The following CACNA1C variants were observed in gnomAD, a reference collection of about 807,000 sequenced individuals.
CACNA1C encodes the protein voltage-dependent L-type calcium channel subunit alpha-1C.
Under a neutral mutation model 229.0 loss-of-function variants are expected in CACNA1C, and 30 were observed. The observed-to-expected ratio is 0.13, with a 90% CI of 0.10 to 0.18. The LOEUF is 0.18. CACNA1C is among the 10% of genes least tolerant of loss of function. CACNA1C has a pLI of 1.00. For missense variants in CACNA1C, 1,658 were observed against 2,845.0 expected (o/e 0.58, Z 9.49); for synonymous variants, 1,114 against 1,132.5 (o/e 0.98, Z 0.33).
intron 1 of CACNA1C, among the ~76,000 whole-genome samples, chr12:2,016,554 C>T (rs572937307): frequency 4.2e-4 from 64 of 152,180 alleles, no homozygotes; most frequent in Middle Eastern, 3.4e-3. Flanking sequence ...CTCAGCCTCT[C>T]GAGTAGTTGG....
In CACNA1C at chr12:2,512,748, C is replaced by A; in HGVS notation, c.1218-64C>A. ...TCTCCATCTCTCCTTCCATCCTCGACCCTTCTCGGTGCTCCCTCCTTCTCT... is the reference window on the plus strand; with the variant it reads ...TCTCCATCTCTCCTTCCATCCTCGAACCTTCTCGGTGCTCCCTCCTTCTCT... On this transcript the variant is annotated intron_variant, in intron 8 of 46. Transcript: ENST00000399655. The surrounding 1 kb of genome is among the most constrained non-coding windows in gnomAD (Gnocchi z 4.3). 1 of 1,267,854 alleles carries A rather than the reference C, an allele frequency of 7.9e-7. No individual in the cohort carries two copies. The highest frequency in any genetic ancestry group is 1.6e-5 in the South Asian group (1 of 64,028). The allele number at this position is 1,267,854 out of a possible 1,614,324, so 78.5% of individuals were successfully genotyped here. A position where few individuals can be genotyped will look rare whatever the true frequency, so the allele number is the denominator to read the frequency against.
chr12:2,422,001 T>C (rs1290199235), intron 3 of CACNA1C, among the ~76,000 whole-genome samples: 1 of 152,188 alleles, frequency 6.6e-6, no homozygotes, highest in Non-Finnish European at 1.5e-5. Flanking sequence ...TACCTTTCTC[T>C]GTTCCTCCAC....
rs142596950 is a variant in CACNA1C, at chr12:2,066,328, A to G, written c.49+12717A>G. 4.6e-5 allele frequency among the ~76,000 whole-genome samples: 7 copies of G among 152,234 alleles called. No individual in the cohort carries two copies. The East Asian group carries it at 1.4e-3, about 29-fold the overall frequency. On this transcript the variant is annotated intron_variant, in intron 1 of 46. Transcript: ENST00000399655. ...ATTGGGGAGAGAGAGAGCAGAGGGA[A>G]GGAACGATGGAGAGCTGAAGACAGA...
intron 3 of CACNA1C, among the ~76,000 whole-genome samples, chr12:2,173,068 G>A (rs1211685986): frequency 1.3e-5 from 2 of 152,214 alleles, no homozygotes; most frequent in South Asian, 4.1e-4. Context: ...GAGTGTGTCC[G>A]GCGGTGTCTC....
intron 1 of CACNA1C, among the ~76,000 whole-genome samples, chr12:2,070,583 C>A (rs2060813536): frequency 6.6e-6 from 1 of 152,170 alleles, no homozygotes; most frequent in Non-Finnish European, 1.5e-5. Flanking sequence ...CTTTCTTCAG[C>A]AGTTTAAAGA....
At chr12:1,993,169 T>C in intron 1 of CACNA1C, 1 of 1,550,734 alleles carries the variant, frequency 6.4e-7, no homozygotes, top group Non-Finnish European at 8.9e-7. Flanking sequence ...TAGCCACTGA[T>C]ACCAAATGCA....
intron 3 of CACNA1C, among the ~76,000 whole-genome samples, chr12:2,180,631 C>T (rs551048353): frequency 7.9e-5 from 12 of 152,168 alleles, no homozygotes; most frequent in Non-Finnish European, 1.5e-4. Context: ...CAGTGCGCTG[C>T]GTTCTAGAAC....
chr12:2,166,947 A>G (rs1039247714), intron 3 of CACNA1C, among the ~76,000 whole-genome samples: 1 of 152,220 alleles, frequency 6.6e-6, no homozygotes, highest in Non-Finnish European at 1.5e-5. Flanking sequence ...CAGACGTAGT[A>G]ACAGAAAAAG....
At chr12:2,128,319 T>G (rs1487284960) in intron 3 of CACNA1C, among the ~76,000 whole-genome samples, 1 of 152,202 alleles carries the variant, frequency 6.6e-6, no homozygotes, top group Non-Finnish European at 1.5e-5. Context: ...TCTGTAGCAG[T>G]ATTAACAGAT....
At chr12:2,625,567 C>T (rs1179012763) in intron 29 of CACNA1C, among the ~76,000 whole-genome samples, 1 of 152,102 alleles carries the variant, frequency 6.6e-6, no homozygotes, top group South Asian at 2.1e-4. Context: ...AAGAACCCCA[C>T]CAACAACAGC....
At chr12:2,060,373 G>A (rs2057008141) in intron 1 of CACNA1C, among the ~76,000 whole-genome samples, 1 of 152,186 alleles carries the variant, frequency 6.6e-6, no homozygotes, top group South Asian at 2.1e-4. Flanking sequence ...GCGACCAAGG[G>A]CGTCTTTCTG....
chr12:2,299,155 A>G (rs530229164), intron 3 of CACNA1C, among the ~76,000 whole-genome samples: 10 of 152,356 alleles, frequency 6.6e-5, no homozygotes, highest in African/African-American at 2.4e-4. Flanking sequence ...ATCCTAAAAA[A>G]GACAACTTTA....
At chr12:2,189,799 A>C (rs2097156191) in intron 3 of CACNA1C, among the ~76,000 whole-genome samples, 1 of 116,644 alleles carries the variant, frequency 8.6e-6, no homozygotes, top group Admixed American at 8.0e-5. Context: ...AGTGATATTT[A>C]AAGAAGAAAG....
At chr12:2,405,101 G>A (rs1206160136) in intron 3 of CACNA1C, among the ~76,000 whole-genome samples, 3 of 152,128 alleles carry the variant, frequency 2.0e-5, no homozygotes, top group Non-Finnish European at 4.4e-5. Flanking sequence ...GAAAGAATAC[G>A]GACGGGATAT....
intron 3 of CACNA1C, among the ~76,000 whole-genome samples, chr12:2,179,563 A>G (rs368905143): frequency 6.6e-6 from 1 of 152,160 alleles, no homozygotes; most frequent in Non-Finnish European, 1.5e-5. Context: ...CCAGACCCCT[A>G]TTGCGTTAGA....
At chr12:2,242,728 G>A (rs1044129075) in intron 3 of CACNA1C, among the ~76,000 whole-genome samples, 3 of 152,190 alleles carry the variant, frequency 2.0e-5, no homozygotes, top group African/African-American at 7.2e-5. Context: ...TTGGGCCCTG[G>A]TCCCGGGTCT....
intron 5 of CACNA1C, among the ~76,000 whole-genome samples, chr12:2,472,264 A>G (rs1400500310): frequency 1.3e-5 from 2 of 152,048 alleles, no homozygotes; most frequent in African/African-American, 4.8e-5. Context: ...TGGCCATGTT[A>G]TAGTATCTCA....
intron 3 of CACNA1C, among the ~76,000 whole-genome samples, chr12:2,391,447 C>G (rs368637982): frequency 6.6e-6 from 1 of 152,090 alleles, no homozygotes; most frequent in African/African-American, 2.4e-5. Flanking sequence ...AGGGCAACCA[C>G]GAAAGGCTGT....
chr12:2,500,804 G>A (rs1013702500), intron 7 of CACNA1C, among the ~76,000 whole-genome samples: 14 of 152,148 alleles, frequency 9.2e-5, no homozygotes, highest in African/African-American at 1.2e-4. Context: ...TCAGGGTGCC[G>A]GCGTGCCCTC....
Sources: allele counts gnomAD v4.1 joint callset (sites outside exome capture counted in the v4.1 genomes callset), GRCh38; gene constraint gnomAD v4.1.1; non-coding constraint Gnocchi (gnomAD v3.1); transcripts MANE v1.5; gene names NCBI Gene and HGNC (gene_info 2026-07-23, HGNC 2026-07-21).